Variants in CPS1 observed in about 807,000 individuals in gnomAD.
The protein encoded by CPS1 is carbamoyl-phosphate synthase [ammonia], mitochondrial.
A neutral mutation model predicts 174.6 loss-of-function variants in CPS1; 109 were observed. The ratio of observed to expected loss-of-function variants is 0.62; its 90% CI spans 0.53 to 0.73. The LOEUF (loss-of-function observed/expected upper bound fraction) is 0.73, where lower values mean the gene tolerates loss of function less well. Among genes scored for constraint, CPS1 ranks in the 30% least tolerant of loss-of-function variants. The probability of loss-of-function intolerance (pLI) is 0.00; values close to 1 mark genes in which losing one functional copy is unlikely to be tolerated. For synonymous variants in CPS1, 637 were observed against 632.0 expected, an observed-to-expected ratio of 1.01 and a Z score of -0.12; for missense variants, 1,689 against 1,821.9, an observed-to-expected ratio of 0.93 and a Z score of 1.33.
intron 19 of CPS1, among the ~76,000 whole-genome samples, chr2:210,608,799 A>G (rs1336035162): frequency 2.0e-5 from 3 of 151,946 alleles, no homozygotes; most frequent in Non-Finnish European, 2.9e-5. Context: ...AGGTCTTCCT[A>G]TTCAAAAGGT....
intron 13 of CPS1, among the ~76,000 whole-genome samples, chr2:210,598,933 C>T: frequency 6.6e-6 from 1 of 151,970 alleles, no homozygotes; most frequent in Non-Finnish European, 1.5e-5. Context: ...TGCCACATGA[C>T]ACATACTCTA....
At chr2:210,606,601 G>A in intron 17 of CPS1, 130 bp from the exon 18 acceptor site, 1 of 845,076 alleles carries the variant, frequency 1.2e-6, no homozygotes, top group Non-Finnish European at 2.0e-6. Flanking sequence ...GGGAATACCT[G>A]ATATCACATA....
chr2:210,538,856 T>C (rs1696326968), intron 1 of CPS1, among the ~76,000 whole-genome samples: 1 of 152,084 alleles, frequency 6.6e-6, no homozygotes, highest in Non-Finnish European at 1.5e-5. Context: ...AATTGAAACA[T>C]TACAAATAAG....
intron 1 of CPS1, among the ~76,000 whole-genome samples, chr2:210,509,997 G>T (rs1695404815): frequency 6.6e-6 from 1 of 152,136 alleles, no homozygotes; most frequent in African/African-American, 2.4e-5. Context: ...AGCTACCAAT[G>T]ACTTTCTTCA....
intron 20 of CPS1, among the ~76,000 whole-genome samples, chr2:210,614,593 T>C (rs929262130): frequency 6.6e-6 from 1 of 152,046 alleles, no homozygotes; most frequent in African/African-American, 2.4e-5. Context: ...ACAGCCATTC[T>C]AACTAGCATG....
chr2:210,565,559 G>A (rs1697274875), intron 1 of CPS1, among the ~76,000 whole-genome samples: 1 of 152,038 alleles, frequency 6.6e-6, no homozygotes, highest in Non-Finnish European at 1.5e-5. Flanking sequence ...TCAAAAAGAT[G>A]GAAATAATGT....
At chr2:210,657,350 A>T (rs947609696) in intron 30 of CPS1, 1 of 131,274 alleles carries the variant, frequency 7.6e-6, no homozygotes, top group Non-Finnish European at 1.6e-5. Flanking sequence ...TCGCTCTTTC[A>T]CCCGGGTGGG....
chr2:210,512,736 TTATATATATATATATATATA>T (rs71043996), intron 1 of CPS1, among the ~76,000 whole-genome samples: 2,775 of 46,698 alleles, frequency 0.059, 281 homozygotes, highest in African/African-American at 0.12. Context: ...TCCAGTAGTT[TTATATATATATATATATATA>T]TATATATATA....
intron 35 of CPS1, 42 bp from the exon 36 acceptor site, chr2:210,675,686 A>G: frequency 1.1e-6 from 1 of 921,872 alleles, no homozygotes; most frequent in African/African-American, 1.6e-5. Flanking sequence ...AAAATAAGAA[A>G]TCACTGTGAT....
rs561687202 is a variant in CPS1, at chr2:210,567,332, C to T, written c.127-5966C>T. 1.3e-3 allele frequency among the ~76,000 whole-genome samples: 200 copies of T among 151,944 alleles called. 1 individual carries two copies. Among genetic ancestry groups the T allele is most frequent in the Admixed American group, 1.8e-3 (27 of 15,248 alleles). ...CAGGATTATACATAGATCTCAACAA[C>T]AAAAAACAGTAAAAATATAATAGCC... On this transcript the variant is annotated intron_variant, in intron 1 of 37. Transcript: ENST00000233072.
At chr2:210,656,264 T>C (rs1027957812) in intron 29 of CPS1, among the ~76,000 whole-genome samples, 2 of 152,238 alleles carry the variant, frequency 1.3e-5, no homozygotes, top group Non-Finnish European at 2.9e-5. Flanking sequence ...GGTTTAGTTT[T>C]ACTCTTTTCC....
intron 21 of CPS1, among the ~76,000 whole-genome samples, chr2:210,627,173 C>T (rs1380666263): frequency 6.6e-6 from 1 of 152,118 alleles, no homozygotes; most frequent in Non-Finnish European, 1.5e-5. Context: ...TTGCCCTTTT[C>T]CAAAACTCTT....
At chr2:210,599,695 G>T in intron 14 of CPS1, 134 bp downstream of exon 14, 1 of 892,456 alleles carries the variant, frequency 1.1e-6, no homozygotes, top group Non-Finnish European at 1.8e-6. Flanking sequence ...AAAGCAGTTA[G>T]CAAACAGCCA....
At chr2:210,651,801 A>G (rs1310343290) in intron 28 of CPS1, among the ~76,000 whole-genome samples, 1 of 152,186 alleles carries the variant, frequency 6.6e-6, no homozygotes, top group Non-Finnish European at 1.5e-5. Flanking sequence ...AACCAGCCCC[A>G]ATCAATCAGT....
At chr2:210,483,244 G>A (rs958801633) in intron 1 of CPS1, among the ~76,000 whole-genome samples, 2 of 152,156 alleles carry the variant, frequency 1.3e-5, no homozygotes, top group African/African-American at 4.8e-5. Flanking sequence ...AATTAGTGGT[G>A]TTGGTAGGAA....
rs904787043 is a variant in CPS1, at chr2:210,603,595, T to C, written c.1836+1265T>C. On this transcript the variant is annotated intron_variant, in intron 16 of 37. Coordinates refer to ENST00000233072, the MANE Select transcript of CPS1 (RefSeq NM_001875.5). ...ACTTCATAACTGCCAATTGTGACAG[T>C]GTATACATATTCTCTATTAATTTTT... Among the ~76,000 whole-genome samples the C allele has an allele frequency of 3.3e-5, 5 of 151,906 alleles. 1 individual carries two copies. Among genetic ancestry groups the C allele is most frequent in the Non-Finnish European group, 7.4e-5 (5 of 67,904 alleles).
intron 2 of CPS1, among the ~76,000 whole-genome samples, chr2:210,575,366 G>A (rs913470123): frequency 6.6e-6 from 1 of 151,972 alleles, no homozygotes; most frequent in African/African-American, 2.4e-5. Flanking sequence ...AAGTGGACAT[G>A]GAAGAGAGCA....
chr2:210,488,186 C>A (rs1289629344), intron 1 of CPS1, among the ~76,000 whole-genome samples: 2 of 150,972 alleles, frequency 1.3e-5, no homozygotes, highest in South Asian at 2.1e-4. Context: ...CTGCAGAAAT[C>A]ATATATTCTT....
chr2:210,634,424 C>A (rs1339447582), intron 21 of CPS1, among the ~76,000 whole-genome samples: 1 of 151,496 alleles, frequency 6.6e-6, no homozygotes, highest in Admixed American at 6.6e-5. Context: ...AGCGAGACTC[C>A]GTCTCAAAAG....
Sources: allele counts gnomAD v4.1 joint callset (sites outside exome capture counted in the v4.1 genomes callset), GRCh38; gene constraint gnomAD v4.1.1; transcripts MANE v1.5; gene names NCBI Gene and HGNC (gene_info 2026-07-23, HGNC 2026-07-21).